MPDZ: variants seen among roughly 807,000 people sequenced by gnomAD.
MPDZ encodes multiple PDZ domain crumbs cell polarity complex component.
Under a neutral mutation model 239.1 loss-of-function variants are expected in MPDZ, and 234 were observed. The observed-to-expected ratio is 0.98, with a 90% CI of 0.88 to 1.09. The LOEUF is 1.09. Ranked by LOEUF, MPDZ falls within the 50% of genes least tolerant of loss-of-function variation. The probability of loss-of-function intolerance (pLI) is 0.00; values close to 1 mark genes in which losing one functional copy is unlikely to be tolerated. For missense variants in MPDZ, 3,175 were observed against 2,510.0 expected, an observed-to-expected ratio of 1.26 and a Z score of -5.66; for synonymous variants, 1,048 against 881.3, an observed-to-expected ratio of 1.19 and a Z score of -3.35.
At chr9:13,180,309 G>A (rs535285044) in intron 19 of MPDZ, among the ~76,000 whole-genome samples, 1 of 152,256 alleles carries the variant, frequency 6.6e-6, no homozygotes, top group South Asian at 2.1e-4. Flanking sequence ...GGTGCAAAAG[G>A]GTTCCTATCT....
Position 13,215,753 on chromosome 9 carries a change from GTT to G in MPDZ, c.1290+1019_1290+1020del, listed in dbSNP as rs56281339. Among the ~76,000 whole-genome samples, 408 of 89,028 alleles carry G rather than the reference GTT, an allele frequency of 4.6e-3. 1 individual carries two copies. The highest frequency in any genetic ancestry group is 0.017 in the African/African-American group (380 of 23,028). The allele number at this position is 89,028 out of a possible 152,430, so 58.4% of individuals were successfully genotyped here. On this transcript the variant is annotated intron_variant, in intron 10 of 46. Coordinates refer to ENST00000319217, the MANE Select transcript of MPDZ (RefSeq NM_001378778.1). ...AGATAAACAGGTTTCTCTATTGCAG[GTT>G]TTTTTTTTTTTTTTTTTTTGTCTTT...
chr9:13,167,194 G>C (rs775123412), intron 22 of MPDZ, among the ~76,000 whole-genome samples: 9 of 152,034 alleles, frequency 5.9e-5, no homozygotes, highest in Non-Finnish European at 1.0e-4. Context: ...GAAAACACTT[G>C]AAGTTTCTCT....
At position 13,219,579 on chromosome 9, in the gene MPDZ, T is replaced by C. The variant is rs1406169797; in HGVS notation, c.1066A>G (p.Thr356Ala). Reference protein sequence around the residue: ...ALGITLSSSPTSTPELRVDAS... With the variant: ...ALGITLSSSPASTPELRVDAS... The stretch of plus-strand genomic sequence containing the variant: ...CTTACCCGCAACTCTGGTGTTGAAG[T>C]TGGGGATGAGGAGAGGGTGATGCCC... The change falls in exon 8 of 47, where the codon ACT (threonine) becomes GCT (alanine). Residue 356 changes from threonine to alanine, a missense_variant. By Grantham distance (58) the Thr-to-Ala change is moderately conservative (BLOSUM62 0). Transcript: ENST00000319217. 2 of 1,612,010 alleles carry C rather than the reference T, an allele frequency of 1.2e-6. No homozygotes were observed. Among genetic ancestry groups the C allele is most frequent in the Admixed American group, 1.7e-5 (1 of 59,772 alleles).
chr9:13,250,926 C>G (rs985682752), intron 1 of MPDZ, among the ~76,000 whole-genome samples: 1 of 151,712 alleles, frequency 6.6e-6, no homozygotes, highest in African/African-American at 2.4e-5. Flanking sequence ...GTCAGGAGTT[C>G]GAGACCAGCC....
chr9:13,275,760 A>G (rs1320276332), intron 1 of MPDZ, among the ~76,000 whole-genome samples: 1 of 152,142 alleles, frequency 6.6e-6, no homozygotes, highest in Non-Finnish European at 1.5e-5. Flanking sequence ...CTCTCCATTA[A>G]TTGCTCTTCC....
intron 1 of MPDZ, among the ~76,000 whole-genome samples, chr9:13,272,008 C>T (rs7872990): frequency 0.97 from 148,281 of 152,252 alleles, 72,310 homozygotes; most frequent in East Asian, 1. Context: ...GAGGAAAGGA[C>T]TACCAAGATG....
At chr9:13,151,787 G>C (rs539556692) in intron 24 of MPDZ, among the ~76,000 whole-genome samples, 59 of 151,942 alleles carry the variant, frequency 3.9e-4, no homozygotes, top group Non-Finnish European at 6.8e-4. Context: ...GGTTAGGATG[G>C]CTTAAAATAA....
intron 24 of MPDZ, among the ~76,000 whole-genome samples, chr9:13,155,516 G>C (rs1949709169): frequency 6.6e-6 from 1 of 152,026 alleles, no homozygotes; most frequent in Non-Finnish European, 1.5e-5. Context: ...TAAGTATCAA[G>C]CTTGATAGAT....
chr9:13,263,857 T>C (rs896327952), intron 1 of MPDZ, among the ~76,000 whole-genome samples: 1 of 152,204 alleles, frequency 6.6e-6, no homozygotes, highest in Non-Finnish European at 1.5e-5. Context: ...TTATATATCT[T>C]CTATGAATAT....
At chr9:13,202,006 C>T (rs1342875631) in intron 12 of MPDZ, among the ~76,000 whole-genome samples, 1 of 152,032 alleles carries the variant, frequency 6.6e-6, no homozygotes, top group Non-Finnish European at 1.5e-5. Flanking sequence ...TGGTAGTATC[C>T]TATTTCTCCA....
chr9:13,219,433 G>C, intron 8 of MPDZ, 126 bp downstream of exon 8: 2 of 809,042 alleles, frequency 2.5e-6, no homozygotes, highest in Non-Finnish European at 3.9e-6. Context: ...CCCTACATTT[G>C]AATTTCATTC....
chr9:13,123,738 G>A (rs933836351), intron 35 of MPDZ, among the ~76,000 whole-genome samples: 10 of 152,066 alleles, frequency 6.6e-5, no homozygotes, highest in African/African-American at 2.4e-4. Context: ...GTACATTCAG[G>A]GAATACCACA....
chr9:13,270,024 G>T (rs1972609191), intron 1 of MPDZ, among the ~76,000 whole-genome samples: 1 of 152,014 alleles, frequency 6.6e-6, no homozygotes, highest in Admixed American at 6.6e-5. Context: ...GGATTCATTG[G>T]GGTTATCTTG....
chr9:13,219,964 T>C (rs904361327), intron 7 of MPDZ, among the ~76,000 whole-genome samples, 196 bp from the exon 8 acceptor site: 3 of 152,098 alleles, frequency 2.0e-5, no homozygotes, highest in Admixed American at 2.0e-4. Context: ...ATAAATGAAA[T>C]TCACATATAG....
chr9:13,260,320 T>C (rs1970389108), intron 1 of MPDZ, among the ~76,000 whole-genome samples: 1 of 152,022 alleles, frequency 6.6e-6, no homozygotes, highest in Non-Finnish European at 1.5e-5. Flanking sequence ...GGGAGCTAGA[T>C]TAAGATTAGT....
At chr9:13,230,185 T>G (rs542710092) in intron 3 of MPDZ, among the ~76,000 whole-genome samples, 21 of 152,272 alleles carry the variant, frequency 1.4e-4, no homozygotes, top group African/African-American at 4.6e-4. Context: ...GAAGCTGGAT[T>G]GCTCAGACAT....
At chr9:13,160,505 C>G (rs1950330204) in intron 23 of MPDZ, among the ~76,000 whole-genome samples, 1 of 151,904 alleles carries the variant, frequency 6.6e-6, no homozygotes, top group Non-Finnish European at 1.5e-5. Flanking sequence ...CTTAACAGGA[C>G]TCAGATGTTA....
chr9:13,237,142 T>G (rs145086882), intron 3 of MPDZ, among the ~76,000 whole-genome samples: 1 of 151,946 alleles, frequency 6.6e-6, no homozygotes, highest in East Asian at 1.9e-4. Flanking sequence ...TCATATTCCA[T>G]GCTTCAAAAT....
chr9:13,174,104 A>G (rs2134106886), intron 21 of MPDZ, among the ~76,000 whole-genome samples: 1 of 152,318 alleles, frequency 6.6e-6, no homozygotes, highest in Non-Finnish European at 1.5e-5. Context: ...CTATGTGGTA[A>G]AAATCTCCTC....
Sources: allele counts gnomAD v4.1 joint callset (sites outside exome capture counted in the v4.1 genomes callset), GRCh38; gene constraint gnomAD v4.1.1; transcripts MANE v1.5; gene names NCBI Gene and HGNC (gene_info 2026-07-23, HGNC 2026-07-21).